NCBP1: variants seen among roughly 807,000 people sequenced by gnomAD.
NCBP1 encodes the protein nuclear cap binding protein subunit 1, also known as nuclear cap-binding protein subunit 1.
NCBP1 carries 16 observed loss-of-function variants against 111.7 expected under a neutral mutation model. The observed-to-expected ratio is 0.14, with a 90% CI of 0.10 to 0.22. NCBP1 has a LOEUF of 0.22. Among genes scored for constraint, NCBP1 ranks in the 10% least tolerant of loss-of-function variants. The probability of loss-of-function intolerance (pLI) is 1.00; values close to 1 mark genes in which losing one functional copy is unlikely to be tolerated. For missense variants in NCBP1, 607 were observed against 957.5 expected (o/e 0.63, Z 4.83); for synonymous variants, 304 against 314.3 (o/e 0.97, Z 0.35).
At chr9:97,660,434 T>C (rs1827798898) in intron 15 of NCBP1, among the ~76,000 whole-genome samples, 1 of 152,170 alleles carries the variant, frequency 6.6e-6, no homozygotes, top group African/African-American at 2.4e-5. Context: ...AGATTCAAGC[T>C]TGTGGACTCA....
rs745866378 is a variant in NCBP1 at position 97,641,712 on chromosome 9, C to G, written c.224+50C>G. 5 of 1,464,864 alleles carry G rather than the reference C, an allele frequency of 3.4e-6. No homozygotes were observed. In the Admixed American group the frequency reaches 9.6e-5, roughly 28 times the overall value. 90.7% of individuals were successfully genotyped at this position (1,464,864 alleles called of 1,614,324 possible). On this transcript the variant is annotated intron_variant, in intron 3 of 22. Transcript: ENST00000375147. ...TCCAGGTGATAATGTATTATCTACT[C>G]TTAAATGCTTTGGGAAATGTTCAAA...
chr9:97,643,156 A>G, intron 3 of NCBP1, 48 bp from the exon 4 acceptor site: 1 of 1,524,836 alleles, frequency 6.6e-7, no homozygotes, highest in South Asian at 1.3e-5. Context: ...TCAGCAACTT[A>G]ACGCCATTGT....
intron 10 of NCBP1, among the ~76,000 whole-genome samples, chr9:97,652,970 A>C (rs924287964): frequency 1.3e-5 from 2 of 152,162 alleles, no homozygotes; most frequent in African/African-American, 4.8e-5. Context: ...TGGTCCACCA[A>C]TTATACAGAG....
intron 10 of NCBP1, 21 bp downstream of exon 10, chr9:97,651,394 G>T (rs766802082): frequency 6.2e-7 from 1 of 1,603,894 alleles, no homozygotes; most frequent in Admixed American, 1.7e-5. Context: ...CATGTGGAGC[G>T]TGTTTCTGAG....
intron 8 of NCBP1, among the ~76,000 whole-genome samples, chr9:97,649,823 G>A (rs1827449616): frequency 6.7e-6 from 1 of 149,718 alleles, no homozygotes; most frequent in African/African-American, 2.5e-5. Context: ...TATCACCTCT[G>A]TAAGGTGCAT....
chr9:97,655,419 C>G (rs767912020), intron 12 of NCBP1, among the ~76,000 whole-genome samples: 1 of 151,892 alleles, frequency 6.6e-6, no homozygotes, highest in Non-Finnish European at 1.5e-5. Context: ...GCTTCAGTTT[C>G]ATCATCTTTT....
chr9:97,648,745 C>A (rs1376671949), intron 8 of NCBP1, among the ~76,000 whole-genome samples: 2 of 152,014 alleles, frequency 1.3e-5, no homozygotes, highest in African/African-American at 4.8e-5. Context: ...GAAATGGGGT[C>A]TTACTTTGTT....
chr9:97,654,515 A>G (rs1827589514), intron 11 of NCBP1, among the ~76,000 whole-genome samples: 2 of 152,076 alleles, frequency 1.3e-5, no homozygotes, highest in African/African-American at 4.8e-5. Flanking sequence ...CCATTGGAAA[A>G]ATGGTGCCAG....
chr9:97,640,350 CA>C (rs1018699404), intron 1 of NCBP1, among the ~76,000 whole-genome samples: 1 of 152,108 alleles, frequency 6.6e-6, no homozygotes, highest in Admixed American at 6.6e-5. Context: ...TTGTCATTTA[CA>C]TAATACATTA....
chr9:97,666,752 ATTTC>A lies in NCBP1; in HGVS notation c.1902-7_1902-4del. 1.3e-6 allele frequency: 2 copies of A among 1,546,212 alleles called. No homozygotes were observed. Among genetic ancestry groups the A allele is most frequent in the Non-Finnish European group, 1.8e-6 (2 of 1,136,940 alleles). The stretch of plus-strand genomic sequence containing the variant: ...TTGACATACAGTAACCAAATGCCAT[ATTTC>A]TTTAAGATTGTTTGTTTGGGAAATT... On this transcript the variant is annotated splice_region_variant and splice_polypyrimidine_tract_variant and intron_variant, in intron 19 of 22. Coordinates refer to ENST00000375147, the MANE Select transcript of NCBP1 (RefSeq NM_002486.5).
At chr9:97,656,171 G>T in intron 14 of NCBP1, 86 bp downstream of exon 14, 2 of 1,130,802 alleles carry the variant, frequency 1.8e-6, no homozygotes, top group Non-Finnish European at 1.3e-6. Context: ...TCAGAATATT[G>T]GATTCAAAAT....
rs549560375 is a variant in NCBP1, at chr9:97,647,699, C to T, written c.681+138C>T. ...TTCATGATAGTTCCTTCTCATAGCT[C>T]AAGGTGTATGGTAGGTCTTTAATAG... is the stretch of plus-strand genomic sequence containing the variant. On this transcript the variant is annotated intron_variant, in intron 7 of 22. Transcript: ENST00000375147. The T allele has an allele frequency of 1.6e-5, 12 of 733,012 alleles. No homozygotes were observed. The African/African-American group carries it at 1.8e-4, about 11-fold the overall frequency. 45.4% of individuals were successfully genotyped at this position (733,012 alleles called of 1,614,324 possible). A position where few individuals can be genotyped will look rare whatever the true frequency, so the allele number is the denominator to read the frequency against.
At chr9:97,640,405 G>C (rs1827173125) in intron 1 of NCBP1, among the ~76,000 whole-genome samples, 1 of 152,102 alleles carries the variant, frequency 6.6e-6, no homozygotes, top group Non-Finnish European at 1.5e-5. Context: ...TTCGGAACAA[G>C]CAACTGAGGA....
At chr9:97,636,912 G>C (rs1827058324) in intron 1 of NCBP1, among the ~76,000 whole-genome samples, 1 of 152,036 alleles carries the variant, frequency 6.6e-6, no homozygotes, top group Admixed American at 6.6e-5. Context: ...AGGCTTCGGT[G>C]TGAATGGCAT....
At chr9:97,637,887 T>C (rs556316361) in intron 1 of NCBP1, among the ~76,000 whole-genome samples, 1 of 152,234 alleles carries the variant, frequency 6.6e-6, no homozygotes, top group Non-Finnish European at 1.5e-5. Context: ...AGGGGAAATT[T>C]ATTTGGTTTA....
Position 97,673,320 on chromosome 9 carries a change from ACTC to A in NCBP1, c.*2124_*2126del, listed in dbSNP as rs1828252967. On this transcript the variant is annotated 3_prime_UTR_variant, in exon 23 of 23. Transcript: ENST00000375147. Reference sequence around the variant, plus strand: ...CAAGGGTCAACTGTAGTTTAAAATGACTCCTGTCTCAAAAAACCAAAGGATAAC... The same window carrying A: ...CAAGGGTCAACTGTAGTTTAAAATGACTGTCTCAAAAAACCAAAGGATAAC... 6.6e-6 allele frequency: 1 copy of A among 151,988 alleles called. No homozygotes were observed. Among genetic ancestry groups the A allele is most frequent in the African/African-American group, 2.4e-5 (1 of 41,352 alleles). The allele number at this position is 151,988 out of a possible 1,614,324, so 9.4% of individuals were successfully genotyped here. A position where few individuals can be genotyped will look rare whatever the true frequency, so the allele number is the denominator to read the frequency against.
rs1254367957 is a variant in NCBP1, at chr9:97,673,396, C to CA, written c.*2198dup. 2.4e-4 allele frequency: 36 copies of CA among 152,154 alleles called. No homozygotes were observed. Among genetic ancestry groups the CA allele is most frequent in the African/African-American group, 8.4e-4 (35 of 41,432 alleles). The allele number at this position is 152,154 out of a possible 1,614,324, so 9.4% of individuals were successfully genotyped here. Reference sequence around the variant, plus strand: ...ACTCAAAACTGCTTTGTAATCTTTTCACAATGTACTGAAAAGTGTGGCTAG... The same window carrying CA: ...ACTCAAAACTGCTTTGTAATCTTTTCAACAATGTACTGAAAAGTGTGGCTAG... On this transcript the variant is annotated 3_prime_UTR_variant, in exon 23 of 23. Coordinates refer to ENST00000375147, the MANE Select transcript of NCBP1 (RefSeq NM_002486.5).
rs758561397 is a variant in NCBP1, at chr9:97,647,456, A to G, written c.612-36A>G. 5.9e-6 allele frequency: 9 copies of G among 1,533,678 alleles called. No individual in the cohort carries two copies. The East Asian group carries it at 1.8e-4, about 31-fold the overall frequency. On this transcript the variant is annotated intron_variant, in intron 6 of 22. Coordinates refer to ENST00000375147, the MANE Select transcript of NCBP1 (RefSeq NM_002486.5). ...GGGTGACTGAGCATCTCTTGTTTTTAAAAGCCTAAATGTAGATTTTCATTT... is the reference window on the plus strand; with the variant it reads ...GGGTGACTGAGCATCTCTTGTTTTTGAAAGCCTAAATGTAGATTTTCATTT...
At position 97,640,823 on chromosome 9, in the gene NCBP1, T is replaced by A. The variant is rs1254118270; in HGVS notation, c.64T>A (p.Ser22Thr). The A allele has an allele frequency of 1.9e-6, 3 of 1,610,158 alleles. No homozygotes were observed. The highest frequency in any genetic ancestry group is 2.5e-6 in the Non-Finnish European group (3 of 1,178,358). ...GGQPHKRRKT[S>T]DANETEDHLE... ...GCAGCCTCACAAAAGGAGAAAGACC[T>A]CTGATGCAAATGAAACTGAAGATCA... The change falls in exon 2 of 23, where the codon TCT becomes ACT. Residue 22 changes from serine (S) to threonine (T), a missense_variant. Around this residue, in one of 9 missense-constraint regions of NCBP1, gnomAD observed 185 missense variants for 272.0 expected, o/e 0.68. Transcript: ENST00000375147.
Sources: allele counts gnomAD v4.1 joint callset (sites outside exome capture counted in the v4.1 genomes callset), GRCh38; gene constraint gnomAD v4.1.1; regional missense constraint gnomAD v4.1.1; transcripts MANE v1.5; gene names NCBI Gene and HGNC (gene_info 2026-07-23, HGNC 2026-07-21).